ZNHIT6: variants seen among roughly 807,000 people sequenced by gnomAD.
The protein encoded by ZNHIT6 is zinc finger HIT-type containing 6, also known as box C/D snoRNA protein 1.
In ZNHIT6, 45 loss-of-function variants were observed where a neutral mutation model predicts 57.2. The observed-to-expected ratio is 0.79, with a 90% CI of 0.62 to 1.01. The LOEUF (loss-of-function observed/expected upper bound fraction) is 1.01, where lower values mean the gene tolerates loss of function less well. Ranked by LOEUF, ZNHIT6 falls within the 50% of genes least tolerant of loss-of-function variation. The pLI is 0.00. For synonymous variants in ZNHIT6, 188 were observed against 190.0 expected, an observed-to-expected ratio of 0.99 and a Z score of 0.09; for missense variants, 528 against 567.3, an observed-to-expected ratio of 0.93 and a Z score of 0.70.
intron 8 of ZNHIT6, among the ~76,000 whole-genome samples, chr1:85,674,058 G>T (rs1339094148): frequency 6.6e-6 from 1 of 152,104 alleles, no homozygotes; most frequent in Non-Finnish European, 1.5e-5. Flanking sequence ...ACCTCAACAG[G>T]AATTTCTGAC....
chr1:85,703,878 C>T (rs1351098506), intron 4 of ZNHIT6, among the ~76,000 whole-genome samples: 1 of 152,026 alleles, frequency 6.6e-6, no homozygotes, highest in Non-Finnish European at 1.5e-5. Flanking sequence ...AACATACAAC[C>T]AACTTGCACT....
At chr1:85,660,634 C>T (rs1303910265) in intron 8 of ZNHIT6, among the ~76,000 whole-genome samples, 1 of 152,014 alleles carries the variant, frequency 6.6e-6, no homozygotes, top group Non-Finnish European at 1.5e-5. Context: ...GATCCTAAAA[C>T]TGTAATGATT....
chr1:85,667,115 T>C (rs1338363495), intron 8 of ZNHIT6, among the ~76,000 whole-genome samples: 4 of 152,178 alleles, frequency 2.6e-5, no homozygotes, highest in African/African-American at 9.7e-5. Context: ...ATATACTATA[T>C]TGCAAAGAAC....
At chr1:85,677,977 G>A (rs1302337964) in intron 7 of ZNHIT6, among the ~76,000 whole-genome samples, 1 of 151,912 alleles carries the variant, frequency 6.6e-6, no homozygotes, top group African/African-American at 2.4e-5. Context: ...TTTCATATAT[G>A]CTATTTCTTT....
rs560276842 is a variant in ZNHIT6, at chr1:85,700,964, A to C, written c.1019+1193T>G. 8.5e-5 allele frequency among the ~76,000 whole-genome samples: 13 copies of C among 152,070 alleles called. No homozygotes were observed. In the East Asian group the frequency reaches 2.5e-3, roughly 29 times the overall value. ...TGGGATCACAGGTGGGTGCCACTGC[A>C]CCTGGCTAATTTTTGTATTTTTAGT... On this transcript the variant is annotated intron_variant, in intron 5 of 9. Coordinates refer to ENST00000370574, the MANE Select transcript of ZNHIT6 (RefSeq NM_017953.4).
intron 8 of ZNHIT6, among the ~76,000 whole-genome samples, chr1:85,672,504 C>G (rs547679868): frequency 1.3e-5 from 2 of 152,138 alleles, no homozygotes; most frequent in African/African-American, 4.8e-5. Context: ...GCCCTCTGTA[C>G]CCTCTCCTAG....
intron 8 of ZNHIT6, among the ~76,000 whole-genome samples, chr1:85,673,549 A>T (rs1255142568): frequency 7.9e-5 from 12 of 152,228 alleles, no homozygotes. Context: ...AGTATTTGGT[A>T]AAAAGACTTT....
intron 8 of ZNHIT6, among the ~76,000 whole-genome samples, chr1:85,667,961 A>AAAAAAAAAAAATATAT: frequency 0.031 from 550 of 18,002 alleles, 76 homozygotes; most frequent in Middle Eastern, 0.062. Context: ...AAAAAAAAAA[A>AAAAAAAAAAAATATAT]ATATATATAT....
At chr1:85,706,977 G>A (rs905707197) in intron 1 of ZNHIT6, among the ~76,000 whole-genome samples, 2 of 152,146 alleles carry the variant, frequency 1.3e-5, no homozygotes, top group Non-Finnish European at 2.9e-5. Flanking sequence ...AATCTAGAAT[G>A]AGCATCGAAA....
intron 5 of ZNHIT6, among the ~76,000 whole-genome samples, chr1:85,682,368 T>C (rs1661906251): frequency 6.6e-6 from 1 of 152,038 alleles, no homozygotes; most frequent in African/African-American, 2.4e-5. Context: ...TTCCTAAATG[T>C]ATGTTTTTTC....
At chr1:85,698,349 T>A (rs1662435985) in intron 5 of ZNHIT6, among the ~76,000 whole-genome samples, 2 of 152,154 alleles carry the variant, frequency 1.3e-5, no homozygotes, top group Non-Finnish European at 2.9e-5. Context: ...ATAAAGGGTG[T>A]CTGGATTAGA....
At chr1:85,675,567 T>G (rs1224849399) in intron 8 of ZNHIT6, among the ~76,000 whole-genome samples, 1 of 152,208 alleles carries the variant, frequency 6.6e-6, no homozygotes, top group Non-Finnish European at 1.5e-5. Context: ...GAATGGTAAA[T>G]GATCACTGGC....
At chr1:85,703,772 A>G (rs1333391899) in intron 4 of ZNHIT6, among the ~76,000 whole-genome samples, 2 of 152,206 alleles carry the variant, frequency 1.3e-5, no homozygotes, top group Non-Finnish European at 2.9e-5. Flanking sequence ...AAGGAAACAA[A>G]TGATAAATTT....
chr1:85,682,352 A>G (rs576647669), intron 5 of ZNHIT6, among the ~76,000 whole-genome samples: 35 of 151,840 alleles, frequency 2.3e-4, no homozygotes, highest in Non-Finnish European at 4.0e-4. Flanking sequence ...TGCATAATAT[A>G]GTTTCTTCCT....
At chr1:85,685,894 T>C (rs1325934489) in intron 5 of ZNHIT6, among the ~76,000 whole-genome samples, 5 of 151,946 alleles carry the variant, frequency 3.3e-5, no homozygotes, top group African/African-American at 7.3e-5. Flanking sequence ...AAGTCAAAGA[T>C]GCATTCATGG....
chr1:85,669,085 T>C (rs1661474706), intron 8 of ZNHIT6, among the ~76,000 whole-genome samples: 1 of 152,162 alleles, frequency 6.6e-6, no homozygotes, highest in African/African-American at 2.4e-5. Context: ...ACAACTGCCC[T>C]AGACTATTAT....
intron 8 of ZNHIT6, among the ~76,000 whole-genome samples, chr1:85,664,966 G>A (rs570610717): frequency 6.6e-6 from 1 of 152,092 alleles, no homozygotes; most frequent in South Asian, 2.1e-4. Context: ...CGAGTAGCTG[G>A]GACTATAGGT....
At chr1:85,702,039 A>T in intron 5 of ZNHIT6, 118 bp downstream of exon 5, 2 of 662,646 alleles carry the variant, frequency 3.0e-6, no homozygotes, top group Non-Finnish European at 5.2e-6. Context: ...GTCATGGACC[A>T]ATAACAAACA....
chr1:85,701,674 C>T (rs1038517694), intron 5 of ZNHIT6, among the ~76,000 whole-genome samples: 2 of 152,138 alleles, frequency 1.3e-5, no homozygotes, highest in Non-Finnish European at 2.9e-5. Flanking sequence ...TGTTTTTACT[C>T]GTTTTGTCCT....
Sources: gnomAD v4.1 joint callset for allele counts (sites outside exome capture counted in the v4.1 genomes callset) on GRCh38, gnomAD v4.1.1 for gene constraint, MANE v1.5 for transcripts, NCBI Gene and HGNC (gene_info 2026-07-23, HGNC 2026-07-21) for gene names.